Variants in DGKI observed in about 807,000 individuals in gnomAD.
The protein encoded by DGKI is diacylglycerol kinase iota, also known as DAG kinase iota.
A neutral mutation model predicts 147.5 loss-of-function variants in DGKI; 55 were observed. The observed-to-expected ratio is 0.37, with a 90% CI of 0.30 to 0.47. DGKI has a LOEUF of 0.47. Among genes scored for constraint, DGKI ranks in the 20% least tolerant of loss-of-function variants. The probability of loss-of-function intolerance (pLI) is 1.00; values close to 1 mark genes in which losing one functional copy is unlikely to be tolerated. For missense variants in DGKI, 1,007 were observed against 1,323.8 expected (o/e 0.76, Z 3.71); for synonymous variants, 469 against 477.1 (o/e 0.98, Z 0.22).
intron 1 of DGKI, among the ~76,000 whole-genome samples, chr7:137,781,393 TATCTGC>T (rs1374646365): frequency 2.6e-5 from 4 of 152,242 alleles, no homozygotes; most frequent in African/African-American, 9.6e-5. Context: ...TAAACTTACA[TATCTGC>T]TAGATTCAGA....
intron 1 of DGKI, among the ~76,000 whole-genome samples, chr7:137,725,427 C>A (rs966115318): frequency 3.3e-5 from 5 of 152,098 alleles, no homozygotes; most frequent in African/African-American, 9.7e-5. Flanking sequence ...ATGCCTCTAC[C>A]ATTCTCCCTT....
intron 32 of DGKI, among the ~76,000 whole-genome samples, chr7:137,392,778 G>A (rs1434012166): frequency 6.6e-6 from 1 of 152,166 alleles, no homozygotes; most frequent in African/African-American, 2.4e-5. Context: ...AGGTTGCTGA[G>A]GTGGGCCTTT....
chr7:137,396,489 T>C (rs1245860682), intron 31 of DGKI, among the ~76,000 whole-genome samples: 1 of 152,180 alleles, frequency 6.6e-6, no homozygotes, highest in Non-Finnish European at 1.5e-5. Flanking sequence ...GAAAAATCAA[T>C]AGCAGCCTTT....
intron 1 of DGKI, among the ~76,000 whole-genome samples, chr7:137,807,214 G>T (rs1476794570): frequency 6.6e-6 from 1 of 152,162 alleles, no homozygotes; most frequent in Non-Finnish European, 1.5e-5. Flanking sequence ...CTTCTTTACT[G>T]GTTTTCAAAT....
intron 1 of DGKI, among the ~76,000 whole-genome samples, chr7:137,703,906 T>C (rs1793913740): frequency 6.6e-6 from 1 of 152,092 alleles, no homozygotes; most frequent in African/African-American, 2.4e-5. Context: ...TTGGAGAAGA[T>C]CAGACATTTT....
At chr7:137,640,353 G>C (rs1821580789) in intron 6 of DGKI, among the ~76,000 whole-genome samples, 1 of 152,140 alleles carries the variant, frequency 6.6e-6, no homozygotes, top group African/African-American at 2.4e-5. Context: ...CAGCCAAGGA[G>C]AGAAGGGCCA....
At chr7:137,464,297 G>A (rs1814570525) in intron 26 of DGKI, among the ~76,000 whole-genome samples, 1 of 147,962 alleles carries the variant, frequency 6.8e-6, no homozygotes, top group Non-Finnish European at 1.5e-5. Flanking sequence ...AAAAGAAAAT[G>A]ACCAAGTGAG....
At chr7:137,503,966 G>A (rs906410458) in intron 21 of DGKI, among the ~76,000 whole-genome samples, 1 of 152,078 alleles carries the variant, frequency 6.6e-6, no homozygotes, top group Non-Finnish European at 1.5e-5. Context: ...ATAATGTGTT[G>A]TGCCAAAGTC....
At chr7:137,462,247 T>G (rs7800431) in intron 27 of DGKI, among the ~76,000 whole-genome samples, 3,833 of 152,270 alleles carry the variant, frequency 0.025, 129 homozygotes, top group East Asian at 0.12. Flanking sequence ...AAATGGCCAC[T>G]TTTTTAGCCA....
intron 1 of DGKI, among the ~76,000 whole-genome samples, chr7:137,691,798 GTTTTTTTT>G (rs796902464): frequency 2.3e-4 from 22 of 95,820 alleles, no homozygotes; most frequent in African/African-American, 7.0e-4. Context: ...AGACCTTTGG[GTTTTTTTT>G]TTTTTTTTTT....
chr7:137,618,199 T>C (rs1398843757), intron 8 of DGKI, among the ~76,000 whole-genome samples: 23 of 126,540 alleles, frequency 1.8e-4, no homozygotes, highest in African/African-American at 6.1e-4. Context: ...GGAACTCTGC[T>C]GCTACTTCAG....
At chr7:137,472,498 T>C (rs1347717832) in intron 23 of DGKI, among the ~76,000 whole-genome samples, 1 of 145,132 alleles carries the variant, frequency 6.9e-6, no homozygotes, top group Non-Finnish European at 1.5e-5. Flanking sequence ...TATACACGTG[T>C]ATATATTTCC....
chr7:137,450,782 TATATATACAC>T (rs1331190320), intron 27 of DGKI, among the ~76,000 whole-genome samples: 5 of 151,180 alleles, frequency 3.3e-5, no homozygotes, highest in Admixed American at 3.3e-4. Flanking sequence ...TACATATCTT[TATATATACAC>T]ATATATATAT....
intron 1 of DGKI, among the ~76,000 whole-genome samples, chr7:137,829,601 C>G (rs1798161779): frequency 6.6e-6 from 1 of 152,164 alleles, no homozygotes; most frequent in South Asian, 2.1e-4. Context: ...AAAGAAGGAA[C>G]CGGATTTCAA....
chr7:137,468,039 AATCT>A (rs1814727676), intron 24 of DGKI, among the ~76,000 whole-genome samples: 1 of 152,082 alleles, frequency 6.6e-6, no homozygotes, highest in African/African-American at 2.4e-5. Context: ...TTCTCACTTA[AATCT>A]ATCTAACAAA....
intron 1 of DGKI, among the ~76,000 whole-genome samples, chr7:137,803,544 T>G (rs1797276468): frequency 6.6e-6 from 1 of 152,230 alleles, no homozygotes; most frequent in African/African-American, 2.4e-5. Flanking sequence ...TTTTTCTTTA[T>G]GATGTCTACT....
At chr7:137,626,362 C>T (rs960028595) in intron 6 of DGKI, among the ~76,000 whole-genome samples, 1 of 149,608 alleles carries the variant, frequency 6.7e-6, no homozygotes, top group African/African-American at 2.5e-5. Context: ...CACACACACA[C>T]ACGGACTTAA....
At chr7:137,742,114 G>T (rs1012773308) in intron 1 of DGKI, among the ~76,000 whole-genome samples, 1 of 152,090 alleles carries the variant, frequency 6.6e-6, no homozygotes, top group African/African-American at 2.4e-5. Context: ...GGTAGAGTCG[G>T]ATTTATAGTG....
chr7:137,419,131 T>C (rs763289214), intron 28 of DGKI, among the ~76,000 whole-genome samples: 1 of 152,182 alleles, frequency 6.6e-6, no homozygotes, highest in Non-Finnish European at 1.5e-5. Flanking sequence ...TATGATGCTG[T>C]TTCTCCTCTG....
Sources: gnomAD v4.1 joint callset for allele counts (sites outside exome capture counted in the v4.1 genomes callset) on GRCh38, gnomAD v4.1.1 for gene constraint, MANE v1.5 for transcripts, NCBI Gene and HGNC (gene_info 2026-07-23, HGNC 2026-07-21) for gene names.